NRG1: variants seen among roughly 807,000 people sequenced by gnomAD.
The protein encoded by NRG1 is pro-neuregulin-1, membrane-bound isoform.
In NRG1, 18 loss-of-function variants were observed where a neutral mutation model predicts 63.8. That is an observed-to-expected ratio of 0.28 (90% CI 0.19 to 0.42). NRG1 has a LOEUF of 0.42. NRG1 is among the 10% of genes least tolerant of loss of function. The pLI, the probability that NRG1 is intolerant of heterozygous loss-of-function variation, is 1.00. For synonymous variants in NRG1, 302 were observed against 301.3 expected, an observed-to-expected ratio of 1.00 and a Z score of -0.02; for missense variants, 762 against 814.7, an observed-to-expected ratio of 0.94 and a Z score of 0.79.
chr8:32,725,742 G>A (rs900297472), intron 5 of NRG1, among the ~76,000 whole-genome samples: 1 of 151,764 alleles, frequency 6.6e-6, no homozygotes, highest in Non-Finnish European at 1.5e-5. Flanking sequence ...CCAAAGTGCT[G>A]GGATTACAGG....
intron 1 of NRG1, among the ~76,000 whole-genome samples, chr8:31,908,101 G>A (rs1200977058): frequency 6.6e-6 from 1 of 152,082 alleles, no homozygotes; most frequent in Non-Finnish European, 1.5e-5. Flanking sequence ...GCAGCAAGGA[G>A]CTAATTAAGC....
At chr8:32,674,763 A>G (rs184274634) in intron 5 of NRG1, among the ~76,000 whole-genome samples, 14 of 152,330 alleles carry the variant, frequency 9.2e-5, no homozygotes, top group Admixed American at 7.2e-4. Flanking sequence ...ATCATTTAGT[A>G]TAAATGGTTC....
intron 1 of NRG1, among the ~76,000 whole-genome samples, chr8:32,100,078 TCTC>T (rs1013191070): frequency 4.1e-4 from 62 of 152,066 alleles, no homozygotes; most frequent in African/African-American, 1.4e-3. Context: ...TTCCAGCTCT[TCTC>T]CTCCCTCTTT....
intron 1 of NRG1, among the ~76,000 whole-genome samples, chr8:32,529,096 T>C (rs535100888): frequency 6.6e-5 from 10 of 152,334 alleles, no homozygotes; most frequent in Middle Eastern, 3.4e-3. Context: ...TATAGTTCAC[T>C]ACACACCTAG....
intron 1 of NRG1, among the ~76,000 whole-genome samples, chr8:31,648,851 A>G (rs1178565199): frequency 6.6e-6 from 1 of 152,256 alleles, no homozygotes; most frequent in Non-Finnish European, 1.5e-5. Flanking sequence ...GCTATTATAA[A>G]TAATGCTGCT....
At chr8:32,265,160 G>C (rs1850784209) in intron 1 of NRG1, among the ~76,000 whole-genome samples, 1 of 151,944 alleles carries the variant, frequency 6.6e-6, no homozygotes, top group Non-Finnish European at 1.5e-5. Context: ...AATATGGTGA[G>C]ACCTCTCTAC....
chr8:32,154,596 T>A (rs1447964488), intron 1 of NRG1, among the ~76,000 whole-genome samples: 1 of 152,170 alleles, frequency 6.6e-6, no homozygotes, highest in Non-Finnish European at 1.5e-5. Flanking sequence ...CATTTTCCTA[T>A]GTAAAGCGAT....
At chr8:32,033,717 A>AT (rs2085855103) in intron 1 of NRG1, among the ~76,000 whole-genome samples, 1 of 152,090 alleles carries the variant, frequency 6.6e-6, no homozygotes, top group African/African-American at 2.4e-5. Flanking sequence ...GCAATTGTGA[A>AT]TAGGAGTTCA....
At chr8:31,888,486 G>A (rs1340418040) in intron 1 of NRG1, among the ~76,000 whole-genome samples, 1 of 152,076 alleles carries the variant, frequency 6.6e-6, no homozygotes, top group East Asian at 1.9e-4. Context: ...TGAGAGAGCA[G>A]TGATGCATTT....
chr8:32,561,314 G>A (rs1836350740), intron 1 of NRG1, among the ~76,000 whole-genome samples: 1 of 152,194 alleles, frequency 6.6e-6, no homozygotes, highest in African/African-American at 2.4e-5. Flanking sequence ...ATGATTCATA[G>A]GAATTTGAAG....
chr8:32,062,191 C>G (rs924885071), intron 1 of NRG1, among the ~76,000 whole-genome samples: 51 of 152,116 alleles, frequency 3.4e-4, no homozygotes, highest in Admixed American at 3.3e-3. Context: ...ATGCATCTGT[C>G]ATAGAATTTG....
intron 1 of NRG1, among the ~76,000 whole-genome samples, chr8:32,385,031 G>T (rs1466894424): frequency 6.6e-6 from 1 of 152,120 alleles, no homozygotes; most frequent in Non-Finnish European, 1.5e-5. Context: ...TCTCTCTCTT[G>T]TTTTTTGAGA....
intron 1 of NRG1, among the ~76,000 whole-genome samples, chr8:32,527,351 G>A (rs1563587096): frequency 6.6e-6 from 1 of 152,072 alleles, no homozygotes; most frequent in Non-Finnish European, 1.5e-5. Context: ...ATAAAATCAT[G>A]TCTTTTGCAG....
At chr8:32,273,004 C>G (rs1360673691) in intron 1 of NRG1, among the ~76,000 whole-genome samples, 3 of 152,168 alleles carry the variant, frequency 2.0e-5, no homozygotes, top group African/African-American at 7.2e-5. Flanking sequence ...AATGAACTCT[C>G]TGATAAGAGT....
intron 1 of NRG1, among the ~76,000 whole-genome samples, chr8:32,051,968 A>C (rs969030594): frequency 1.3e-5 from 2 of 152,256 alleles, no homozygotes; most frequent in Admixed American, 6.5e-5. Flanking sequence ...AAGACTTAGC[A>C]CTGGACTTGG....
intron 1 of NRG1, among the ~76,000 whole-genome samples, chr8:31,978,394 A>G (rs1221982480): frequency 6.6e-6 from 1 of 152,094 alleles, no homozygotes; most frequent in South Asian, 2.1e-4. Flanking sequence ...TCACACTGGT[A>G]GAGATTCTTG....
At chr8:32,226,121 A>C (rs1018123972) in intron 1 of NRG1, among the ~76,000 whole-genome samples, 1 of 152,218 alleles carries the variant, frequency 6.6e-6, no homozygotes, top group Non-Finnish European at 1.5e-5. Flanking sequence ...CTGCAGAGAG[A>C]ATATTTCACT....
chr8:31,721,469 T>A (rs1812908850), intron 1 of NRG1, among the ~76,000 whole-genome samples: 1 of 152,198 alleles, frequency 6.6e-6, no homozygotes. Context: ...AGAATATTTT[T>A]AAAACTTACC....
intron 1 of NRG1, among the ~76,000 whole-genome samples, chr8:32,140,137 C>T (rs960937395): frequency 4.6e-5 from 7 of 152,078 alleles, no homozygotes; most frequent in Admixed American, 2.6e-4. Context: ...TTGAATACCA[C>T]GGTGCTGGAG....
Sources: allele counts gnomAD v4.1 joint callset (sites outside exome capture counted in the v4.1 genomes callset), GRCh38; gene constraint gnomAD v4.1.1; transcripts MANE v1.5; gene names NCBI Gene and HGNC (gene_info 2026-07-23, HGNC 2026-07-21).